FSTL5: variants seen among roughly 807,000 people sequenced by gnomAD.
FSTL5 encodes follistatin like 5.
In FSTL5, 62 loss-of-function variants were observed where a neutral mutation model predicts 89.1. The ratio of observed to expected loss-of-function variants is 0.70; its 90% CI spans 0.57 to 0.86. FSTL5 has a LOEUF of 0.86. Among genes scored for constraint, FSTL5 ranks in the 40% least tolerant of loss-of-function variants. The pLI is 0.00. For missense variants in FSTL5, 1,057 were observed against 1,001.6 expected (o/e 1.06, Z -0.75); for synonymous variants, 383 against 346.2 (o/e 1.11, Z -1.18).
At chr4:161,562,983 T>C in intron 8 of FSTL5, among the ~76,000 whole-genome samples, 1 of 152,030 alleles carries the variant, frequency 6.6e-6, no homozygotes, top group East Asian at 1.9e-4. Context: ...ATAATGGTCT[T>C]CCTTTTTAAG....
At chr4:161,746,421 G>A (rs1389320181) in intron 6 of FSTL5, among the ~76,000 whole-genome samples, 1 of 152,240 alleles carries the variant, frequency 6.6e-6, no homozygotes, top group East Asian at 1.9e-4. Context: ...ATTGCAGCCT[G>A]AGTTAGTAGT....
intron 6 of FSTL5, among the ~76,000 whole-genome samples, chr4:161,671,660 G>A (rs1020371191): frequency 1.3e-5 from 2 of 151,756 alleles, no homozygotes; most frequent in African/African-American, 4.9e-5. Context: ...TTAGATATGA[G>A]TGAGTTCATA....
chr4:161,481,131 C>G lies in FSTL5; in HGVS notation c.1497G>C (p.Gln499His). 1 of 1,612,126 alleles carries G rather than the reference C, an allele frequency of 6.2e-7. No homozygotes were observed. Among genetic ancestry groups the G allele is most frequent in the Non-Finnish European group, 8.5e-7 (1 of 1,178,834 alleles). ...VCPKAEGDEVQRCVWASAVNV... is the reference protein window; with the variant it reads ...VCPKAEGDEVHRCVWASAVNV... Reference sequence around the variant, plus strand: ...TAACAGCTGATGCCCACACACACCTCTGAACTTCATCTCCCTCAGCTTTGG... The same window carrying G: ...TAACAGCTGATGCCCACACACACCTGTGAACTTCATCTCCCTCAGCTTTGG... The change falls in exon 13 of 16, where the codon CAG (glutamine) becomes CAC (histidine). Residue 499 changes from glutamine to histidine, a missense_variant. Transcript: ENST00000306100.
chr4:161,593,716 C>G (rs1002163332), intron 7 of FSTL5, among the ~76,000 whole-genome samples: 1 of 152,064 alleles, frequency 6.6e-6, no homozygotes, highest in African/African-American at 2.4e-5. Context: ...ATCAATCATA[C>G]CACATTTCTA....
At chr4:161,750,933 A>T (rs1029734379) in intron 6 of FSTL5, among the ~76,000 whole-genome samples, 4 of 151,884 alleles carry the variant, frequency 2.6e-5, no homozygotes, top group Non-Finnish European at 5.9e-5. Context: ...GTCAGAAAAG[A>T]CCTTACTCTA....
chr4:161,499,645 A>C (rs983146167), intron 12 of FSTL5, among the ~76,000 whole-genome samples: 7 of 152,112 alleles, frequency 4.6e-5, no homozygotes, highest in Non-Finnish European at 7.4e-5. Context: ...CCAGCTTCCC[A>C]CCAGATTATG....
intron 3 of FSTL5, among the ~76,000 whole-genome samples, chr4:162,033,330 G>A (rs549122323): frequency 4.1e-4 from 62 of 152,188 alleles, no homozygotes; most frequent in Admixed American, 1.2e-3. Context: ...ACACCAACTC[G>A]TAGGGACAAT....
chr4:161,800,933 A>G (rs555688530), intron 4 of FSTL5, among the ~76,000 whole-genome samples: 10 of 151,708 alleles, frequency 6.6e-5, no homozygotes, highest in African/African-American at 2.4e-4. Context: ...TGACAAGTTT[A>G]TCGTAGTCTA....
At chr4:162,126,276 A>G (rs544079643) in intron 1 of FSTL5, among the ~76,000 whole-genome samples, 78 of 152,148 alleles carry the variant, frequency 5.1e-4, no homozygotes, top group African/African-American at 1.8e-3. Flanking sequence ...TGTATCTTAA[A>G]ATTTTTGACT....
At chr4:161,740,797 C>T (rs1002106721) in intron 6 of FSTL5, among the ~76,000 whole-genome samples, 2 of 152,070 alleles carry the variant, frequency 1.3e-5, no homozygotes, top group African/African-American at 2.4e-5. Context: ...TGTTGGGCTG[C>T]GGTAACAACA....
chr4:161,650,711 C>A (rs1055158513), intron 7 of FSTL5, among the ~76,000 whole-genome samples: 23 of 151,908 alleles, frequency 1.5e-4, no homozygotes, highest in Admixed American at 1.3e-3. Flanking sequence ...TTTATAAATC[C>A]ATTGTAGGCA....
chr4:161,572,781 A>C (rs1249209704), intron 8 of FSTL5, among the ~76,000 whole-genome samples: 4 of 152,188 alleles, frequency 2.6e-5, no homozygotes, highest in African/African-American at 9.6e-5. Context: ...TGGGTGACTG[A>C]ATGAAACAGA....
chr4:161,505,805 T>A (rs1371316936), intron 11 of FSTL5, among the ~76,000 whole-genome samples: 1 of 151,824 alleles, frequency 6.6e-6, no homozygotes, highest in East Asian at 1.9e-4. Flanking sequence ...CAAGATCAAA[T>A]TTTTGATGAA....
intron 6 of FSTL5, among the ~76,000 whole-genome samples, chr4:161,662,796 C>G (rs1409624281): frequency 6.6e-6 from 1 of 152,124 alleles, no homozygotes; most frequent in Non-Finnish European, 1.5e-5. Context: ...TAGGCTAATT[C>G]ACACTGAGTC....
intron 2 of FSTL5, among the ~76,000 whole-genome samples, chr4:162,061,932 T>C (rs1738730230): frequency 6.6e-6 from 1 of 152,072 alleles, no homozygotes; most frequent in Admixed American, 6.6e-5. Flanking sequence ...TCCTTTTATT[T>C]AAAAAATGTA....
intron 4 of FSTL5, among the ~76,000 whole-genome samples, chr4:161,890,061 G>A (rs1225412549): frequency 6.6e-6 from 1 of 152,174 alleles, no homozygotes; most frequent in African/African-American, 2.4e-5. Flanking sequence ...TCTGAATCAT[G>A]TAAGATTTAC....
chr4:161,871,363 CTGTTT>C (rs1454492463), intron 4 of FSTL5, among the ~76,000 whole-genome samples: 5 of 152,078 alleles, frequency 3.3e-5, no homozygotes, highest in Admixed American at 3.3e-4. Flanking sequence ...GTTTTTGAGT[CTGTTT>C]TGTAGATAAA....
At chr4:161,966,270 G>C (rs368663366) in intron 3 of FSTL5, among the ~76,000 whole-genome samples, 9 of 152,054 alleles carry the variant, frequency 5.9e-5, no homozygotes, top group African/African-American at 2.2e-4. Context: ...CACCCATCCT[G>C]ATTTTGTTGA....
intron 4 of FSTL5, among the ~76,000 whole-genome samples, chr4:161,829,932 TA>T (rs1730791930): frequency 6.6e-6 from 1 of 152,050 alleles, no homozygotes; most frequent in African/African-American, 2.4e-5. Context: ...GAGCAACCCT[TA>T]AGTTTATAAC....
Sources: allele counts gnomAD v4.1 joint callset (sites outside exome capture counted in the v4.1 genomes callset), GRCh38; gene constraint gnomAD v4.1.1; transcripts MANE v1.5; gene names NCBI Gene and HGNC (gene_info 2026-07-23, HGNC 2026-07-21).